UNC79: variants seen among roughly 807,000 people sequenced by gnomAD.
UNC79 encodes unc-79 subunit of NALCN channel complex.
A neutral mutation model predicts 283.1 loss-of-function variants in UNC79; 37 were observed. The observed-to-expected ratio is 0.13, with a 90% CI of 0.10 to 0.17. The LOEUF is 0.17. Ranked by LOEUF, UNC79 falls within the 10% of genes least tolerant of loss-of-function variation. UNC79 has a pLI of 1.00. For missense variants in UNC79, 2,272 were observed against 3,211.1 expected, an observed-to-expected ratio of 0.71 and a Z score of 7.07; for synonymous variants, 1,107 against 1,200.2, an observed-to-expected ratio of 0.92 and a Z score of 1.61.
chr14:93,653,762 C>T (rs148490393), exon 36 of UNC79: 206 of 1,608,906 alleles, frequency 1.3e-4, no homozygotes, highest in Admixed American at 2.8e-4. Flanking sequence ...CCCGGCAATG[C>T]GGCGGGGGTG....
chr14:93,471,112 T>C (rs997042209), intron 2 of UNC79, among the ~76,000 whole-genome samples: 3 of 152,208 alleles, frequency 2.0e-5, no homozygotes, highest in African/African-American at 7.2e-5. Context: ...GGATTGTAGA[T>C]GCAGCATAAT....
At chr14:93,685,690 G>C (rs1012357737) in intron 42 of UNC79, among the ~76,000 whole-genome samples, 1 of 152,210 alleles carries the variant, frequency 6.6e-6, no homozygotes, top group Non-Finnish European at 1.5e-5. Flanking sequence ...GGCCTTTAGC[G>C]TAGTATTCAT....
chr14:93,566,586 G>A (rs2062895650), intron 14 of UNC79, among the ~76,000 whole-genome samples: 1 of 151,882 alleles, frequency 6.6e-6, no homozygotes, highest in Admixed American at 6.6e-5. Context: ...TCTTGAGTAG[G>A]GACACTCCAC....
intron 1 of UNC79, among the ~76,000 whole-genome samples, chr14:93,339,546 G>A (rs1328880757): frequency 8.5e-5 from 13 of 152,230 alleles, no homozygotes; most frequent in South Asian, 2.1e-4. Context: ...TGATCGACCC[G>A]CCTCATCCTC....
At chr14:93,593,805 A>G (rs746198463) in exon 23 of UNC79, 5 of 1,613,824 alleles carry the variant, frequency 3.1e-6, no homozygotes, top group Admixed American at 3.3e-5. Flanking sequence ...GGCAATTTCA[A>G]CAGCAAAGAC....
chr14:93,387,099 T>G (rs544700207), intron 1 of UNC79, among the ~76,000 whole-genome samples: 10 of 151,776 alleles, frequency 6.6e-5, no homozygotes, highest in Non-Finnish European at 1.5e-4. Context: ...TGTGCCACCA[T>G]GCCCAGCTAA....
chr14:93,587,171 A>G (rs1048980889), intron 22 of UNC79, among the ~76,000 whole-genome samples: 4 of 152,188 alleles, frequency 2.6e-5, no homozygotes, highest in African/African-American at 9.7e-5. Context: ...CACTTGTTAG[A>G]TGGCTTAAGA....
At chr14:93,637,114 G>A in intron 31 of UNC79, 102 bp from the exon 35 acceptor site, 2 of 757,072 alleles carry the variant, frequency 2.6e-6, no homozygotes, top group South Asian at 2.9e-5. Flanking sequence ...TAGTAACAGT[G>A]ACCAAAAAAT....
upstream of UNC79, among the ~76,000 whole-genome samples, chr14:93,427,352 C>T (rs2055754286): frequency 6.6e-6 from 1 of 151,854 alleles, no homozygotes; most frequent in African/African-American, 2.4e-5. Context: ...CATAATTAAA[C>T]CAAAATGGAA....
chr14:93,589,989 G>A (rs545668146), intron 22 of UNC79, among the ~76,000 whole-genome samples: 1 of 152,136 alleles, frequency 6.6e-6, no homozygotes, highest in African/African-American at 2.4e-5. Flanking sequence ...GATTTGAGGA[G>A]ACTTTCTTCC....
intron 2 of UNC79, among the ~76,000 whole-genome samples, chr14:93,470,580 T>C (rs964512568): frequency 1.3e-5 from 2 of 152,194 alleles, no homozygotes; most frequent in African/African-American, 4.8e-5. Context: ...GTTTGTTGAA[T>C]TGAATTGAGT....
chr14:93,522,358 T>C lies in UNC79; in HGVS notation c.899-1620T>C, dbSNP rs567960101. Among the ~76,000 whole-genome samples the C allele has an allele frequency of 1.1e-3, 164 of 152,212 alleles. 4 individuals are homozygous for C. The highest frequency in any genetic ancestry group is 3.1e-3 in the Admixed American group (48 of 15,280). ...TTTATCTTGTGTGCCAATTTTGTTT[T>C]GATTAGTGGTGACTTCTTGGAGCAC... On this transcript the variant is annotated intron_variant, in intron 7 of 48. Coordinates refer to ENST00000555664, the Ensembl canonical transcript of UNC79.
chr14:93,701,700 G>T (rs755542304), intron 47 of UNC79, among the ~76,000 whole-genome samples: 1 of 152,136 alleles, frequency 6.6e-6, no homozygotes, highest in African/African-American at 2.4e-5. Context: ...CTGAAATAGG[G>T]TGATGGCTGG....
At chr14:93,596,242 G>C (rs892238852) in intron 23 of UNC79, among the ~76,000 whole-genome samples, 14 of 152,194 alleles carry the variant, frequency 9.2e-5, no homozygotes, top group African/African-American at 3.4e-4. Context: ...ACTTTTACAG[G>C]AGTTCATGGG....
intron 1 of UNC79, among the ~76,000 whole-genome samples, chr14:93,453,456 GAT>G (rs2056708297): frequency 6.6e-6 from 1 of 152,150 alleles, no homozygotes; most frequent in South Asian, 2.1e-4. Context: ...AGTAATGAGA[GAT>G]TAAATAATTT....
At chr14:93,571,804 C>G in intron 14 of UNC79, 90 bp from the exon 15 acceptor site, 4 of 1,398,920 alleles carry the variant, frequency 2.9e-6, no homozygotes, top group Non-Finnish European at 2.9e-6. Context: ...TGTGGCCTTT[C>G]TCTGTACCCA....
intron 1 of UNC79, among the ~76,000 whole-genome samples, chr14:93,354,037 GTTA>G (rs930004391): frequency 2.6e-4 from 39 of 152,260 alleles, no homozygotes; most frequent in African/African-American, 9.1e-4. Flanking sequence ...TTGCTAACAT[GTTA>G]TTTAAGTTGA....
At chr14:93,661,040 G>A (rs1242131157) in intron 39 of UNC79, among the ~76,000 whole-genome samples, 2 of 152,110 alleles carry the variant, frequency 1.3e-5, no homozygotes, top group African/African-American at 2.4e-5. Context: ...ATCTTTAGGG[G>A]CAACTAACAC....
At chr14:93,374,954 A>G (rs2054525430) in intron 1 of UNC79, among the ~76,000 whole-genome samples, 1 of 152,208 alleles carries the variant, frequency 6.6e-6, no homozygotes, top group African/African-American at 2.4e-5. Context: ...CTTTGGGGCT[A>G]TGGAGAAGGA....
Sources: gnomAD v4.1 joint callset for allele counts (sites outside exome capture counted in the v4.1 genomes callset) on GRCh38, gnomAD v4.1.1 for gene constraint, MANE v1.5 for transcripts, NCBI Gene and HGNC (gene_info 2026-07-23, HGNC 2026-07-21) for gene names.